Variants in LHFPL3 observed in about 807,000 individuals in gnomAD.
LHFPL3 encodes the protein LHFPL tetraspan subfamily member 3 protein.
Under a neutral mutation model 19.3 loss-of-function variants are expected in LHFPL3, and 5 were observed. That is an observed-to-expected ratio of 0.26 (90% confidence interval 0.14 to 0.54). The LOEUF is 0.54. Ranked by LOEUF, LHFPL3 falls within the 20% of genes least tolerant of loss-of-function variation. The pLI is 0.94. For missense variants in LHFPL3, 249 were observed against 307.4 expected (o/e 0.81, Z 1.42); for synonymous variants, 133 against 126.2 (o/e 1.05, Z -0.36).
chr7:104,575,230 G>C (rs1404156855), intron 1 of LHFPL3, among the ~76,000 whole-genome samples: 1 of 152,164 alleles, frequency 6.6e-6, no homozygotes, highest in African/African-American at 2.4e-5. Context: ...CTGAACCAGA[G>C]CTAGATATCA....
chr7:104,515,893 C>T (rs61305400), intron 1 of LHFPL3, among the ~76,000 whole-genome samples: 9,422 of 152,054 alleles, frequency 0.062, 398 homozygotes, highest in East Asian at 0.12. Context: ...CCCACATTTT[C>T]CTTTCTTCTT....
chr7:104,809,727 C>G (rs1790429706), intron 2 of LHFPL3, among the ~76,000 whole-genome samples: 2 of 152,184 alleles, frequency 1.3e-5, no homozygotes, highest in Admixed American at 1.3e-4. Flanking sequence ...AAGACTCTTA[C>G]CCATACAGCA....
At chr7:104,729,626 T>C (rs1793655294) in intron 1 of LHFPL3, among the ~76,000 whole-genome samples, 1 of 152,198 alleles carries the variant, frequency 6.6e-6, no homozygotes, top group Admixed American at 6.6e-5. Flanking sequence ...GTGATATTTG[T>C]CTTTCTGTGC....
chr7:104,558,777 T>G (rs1017588335), intron 1 of LHFPL3, among the ~76,000 whole-genome samples: 2 of 146,864 alleles, frequency 1.4e-5, no homozygotes, highest in Non-Finnish European at 3.0e-5. Context: ...TGAATGGTAT[T>G]GCCTAGGTTT....
Position 104,884,333 on chromosome 7 carries a change from GTCC to G in LHFPL3, c.683-21849_683-21847del, listed in dbSNP as rs1792108933. 2.0e-5 allele frequency among the ~76,000 whole-genome samples: 3 copies of G among 152,262 alleles called. No homozygotes were observed. The South Asian group carries it at 6.2e-4, about 32-fold the overall frequency. ...TTTGTTTTGGCAGCTTGCCAAGCAT[GTCC>G]TCCTGAGATAGGCCCTCTGACCGCT... On this transcript the variant is annotated intron_variant, in intron 2 of 2. Transcript: ENST00000424859.
chr7:104,678,405 A>T (rs1253545147), intron 1 of LHFPL3, among the ~76,000 whole-genome samples: 3 of 152,178 alleles, frequency 2.0e-5, no homozygotes, highest in Admixed American at 6.5e-5. Flanking sequence ...AGCATTACAT[A>T]TTTCAAAAAC....
intron 1 of LHFPL3, among the ~76,000 whole-genome samples, chr7:104,417,152 C>T (rs1791637772): frequency 6.6e-6 from 1 of 152,212 alleles, no homozygotes; most frequent in Admixed American, 6.5e-5. Flanking sequence ...TTTAAAATTT[C>T]TATTGGCATT....
At chr7:104,807,892 G>A (rs757262023) in intron 2 of LHFPL3, among the ~76,000 whole-genome samples, 2 of 152,332 alleles carry the variant, frequency 1.3e-5, no homozygotes, top group Admixed American at 1.3e-4. Context: ...ACAACTGGTC[G>A]TTAATCACAG....
intron 2 of LHFPL3, among the ~76,000 whole-genome samples, chr7:104,791,499 C>T (rs925266244): frequency 2.0e-5 from 3 of 152,208 alleles, no homozygotes; most frequent in Admixed American, 6.5e-5. Context: ...CACATGATCA[C>T]TGTAGTTCAG....
rs79115130 is a variant in LHFPL3, at chr7:104,531,661, G to C, written c.445+202437G>C. ...GACATACACCCAGGTATATGACAAA[G>C]GGATCTATATGGGAAATCACTTATA... On this transcript the variant is annotated intron_variant, in intron 1 of 2. Coordinates refer to ENST00000424859, the MANE Select transcript of LHFPL3 (RefSeq NM_199000.3). Among the ~76,000 whole-genome samples the C allele has an allele frequency of 7.5e-3, 1,143 of 152,262 alleles. 13 individuals carry two copies. Among genetic ancestry groups the C allele is most frequent in the African/African-American group, 0.026 (1,075 of 41,552 alleles).
intron 1 of LHFPL3, among the ~76,000 whole-genome samples, chr7:104,722,947 G>A (rs1280745134): frequency 6.6e-6 from 1 of 152,122 alleles, no homozygotes; most frequent in African/African-American, 2.4e-5. Context: ...TAGTTCTCAG[G>A]TTCACAACGT....
chr7:104,862,327 T>A (rs1017242351), intron 2 of LHFPL3, among the ~76,000 whole-genome samples: 1 of 152,108 alleles, frequency 6.6e-6, no homozygotes, highest in Non-Finnish European at 1.5e-5. Flanking sequence ...AGGAGTGGAC[T>A]TGAAAAGAAC....
intron 2 of LHFPL3, among the ~76,000 whole-genome samples, chr7:104,861,908 C>A (rs1429071746): frequency 6.6e-6 from 1 of 152,194 alleles, no homozygotes; most frequent in Non-Finnish European, 1.5e-5. Context: ...GCTGTCCACG[C>A]TGCTGATGGC....
At chr7:104,335,562 C>T (rs377686325) in intron 1 of LHFPL3, among the ~76,000 whole-genome samples, 16 of 152,090 alleles carry the variant, frequency 1.1e-4, no homozygotes, top group East Asian at 7.7e-4. Context: ...GAAAAATAAC[C>T]GGTCCCATAT....
At chr7:104,687,039 G>T (rs1188776312) in intron 1 of LHFPL3, among the ~76,000 whole-genome samples, 1 of 152,146 alleles carries the variant, frequency 6.6e-6, no homozygotes, top group Non-Finnish European at 1.5e-5. Flanking sequence ...CATGGGGATT[G>T]CAATTTGGAT....
At chr7:104,483,359 A>G (rs997582750) in intron 1 of LHFPL3, among the ~76,000 whole-genome samples, 10 of 152,196 alleles carry the variant, frequency 6.6e-5, no homozygotes, top group African/African-American at 2.2e-4. Flanking sequence ...CTGCTATTCT[A>G]ATTCACCATT....
At chr7:104,501,286 C>T (rs1029603336) in intron 1 of LHFPL3, among the ~76,000 whole-genome samples, 3 of 152,140 alleles carry the variant, frequency 2.0e-5, no homozygotes, top group Non-Finnish European at 4.4e-5. Flanking sequence ...TGCTGCTTTC[C>T]TTTCAACAGC....
chr7:104,769,177 A>G (rs752540185), intron 2 of LHFPL3, among the ~76,000 whole-genome samples: 4 of 152,368 alleles, frequency 2.6e-5, no homozygotes, highest in South Asian at 2.1e-4. Flanking sequence ...GCTGTGTTCA[A>G]TTGCACTCTT....
chr7:104,828,351 C>T (rs893923500), intron 2 of LHFPL3, among the ~76,000 whole-genome samples: 1 of 151,918 alleles, frequency 6.6e-6, no homozygotes, highest in Non-Finnish European at 1.5e-5. Context: ...TACCTGCCCA[C>T]TGAATTCACA....
Sources: gnomAD v4.1 joint callset for allele counts (sites outside exome capture counted in the v4.1 genomes callset) on GRCh38, gnomAD v4.1.1 for gene constraint, MANE v1.5 for transcripts, NCBI Gene and HGNC (gene_info 2026-07-23, HGNC 2026-07-21) for gene names.